Variants in CLEC4D observed in about 807,000 individuals in gnomAD.
The protein encoded by CLEC4D is C-type lectin domain family 4 member D, also known as C-type (calcium dependent, carbohydrate-recognition domain) lectin, superfamily member 8.
A neutral mutation model predicts 21.1 loss-of-function variants in CLEC4D; 21 were observed. The observed-to-expected ratio is 1.00, with a 90% confidence interval of 0.71 to 1.43. The LOEUF is 1.43. CLEC4D is among the 40% of genes most tolerant of loss of function. CLEC4D has a pLI of 0.00. For synonymous variants in CLEC4D, 85 were observed against 83.1 expected, an observed-to-expected ratio of 1.02 and a Z score of -0.12; for missense variants, 289 against 260.7, an observed-to-expected ratio of 1.11 and a Z score of -0.75.
chr12:8,526,937 G>A (rs1441991474), downstream of CLEC4D, among the ~76,000 whole-genome samples: 1 of 151,868 alleles, frequency 6.6e-6, no homozygotes, highest in Admixed American at 6.5e-5. Context: ...TTCTTTCAAT[G>A]GTCAGGTCCC....
At chr12:8,520,787 G>A (rs998821744) in intron 5 of CLEC4D, among the ~76,000 whole-genome samples, 38 of 152,078 alleles carry the variant, frequency 2.5e-4, no homozygotes, top group Non-Finnish European at 4.4e-4. Context: ...TTTTAATAAC[G>A]TATTAATAAT....
At chr12:8,517,439 T>TCCCTCCC (rs1446264694) in intron 2 of CLEC4D, among the ~76,000 whole-genome samples, 1 of 138,890 alleles carries the variant, frequency 7.2e-6, no homozygotes, top group African/African-American at 2.6e-5. Context: ...CCAAATGCTA[T>TCCCTCCC]CCCTCCCCCC....
At chr12:8,514,997 G>T (rs1025535559) in intron 1 of CLEC4D, among the ~76,000 whole-genome samples, 1 of 151,854 alleles carries the variant, frequency 6.6e-6, no homozygotes, top group Non-Finnish European at 1.5e-5. Flanking sequence ...CTTGGGTTTT[G>T]TATCTTACTT....
chr12:8,531,586 T>A, the CLEC4D span, among the ~76,000 whole-genome samples: 1 of 152,192 alleles, frequency 6.6e-6, no homozygotes, highest in African/African-American at 2.4e-5. Flanking sequence ...TTACCCTGAT[T>A]TGATTAATAT....
At chr12:8,526,314 C>T (rs1940505091), downstream of CLEC4D, among the ~76,000 whole-genome samples, 1 of 152,160 alleles carries the variant, frequency 6.6e-6, no homozygotes, top group Admixed American at 6.5e-5. Flanking sequence ...CTGTCTATTT[C>T]TGGTACCCCA....
downstream of CLEC4D, among the ~76,000 whole-genome samples, chr12:8,524,056 A>G (rs759723781): frequency 6.6e-6 from 1 of 152,134 alleles, no homozygotes; most frequent in South Asian, 2.1e-4. Context: ...AGCTGACTTG[A>G]TTGTGGTGGG....
chr12:8,523,910 G>A (rs756847209), downstream of CLEC4D, among the ~76,000 whole-genome samples: 9 of 152,260 alleles, frequency 5.9e-5, no homozygotes, highest in Middle Eastern at 3.4e-3. Flanking sequence ...TAACATGAAA[G>A]GATGTTTAAT....
At chr12:8,525,469 T>C (rs1344932910), downstream of CLEC4D, among the ~76,000 whole-genome samples, 4 of 152,230 alleles carry the variant, frequency 2.6e-5, no homozygotes, top group Non-Finnish European at 4.4e-5. Context: ...TTTGTCTTTT[T>C]TAACCTTTAG....
chr12:8,513,806 A>C (rs762948593), intron 1 of CLEC4D, 46 bp downstream of exon 1: 2 of 865,770 alleles, frequency 2.3e-6, no homozygotes, highest in Non-Finnish European at 4.0e-6. Context: ...AGATGGAATT[A>C]TACTAATTTA....
rs1940424459 is a variant in CLEC4D, at chr12:8,519,144, G to A, written c.368G>A (p.Ser123Asn). ...SGMGAHLMTI[S>N]TEAEQNFIIQ... ...ATGGGGGCCCATCTGATGACCATCA[G>A]CACGGAAGCTGAGCAGGTGTGTTGG... Residue 123 changes from serine to asparagine, a missense_variant, in exon 4 of 6, where the codon AGC becomes AAC. Physicochemically the swap from Ser to Asn is conservative, Grantham distance 46. Coordinates refer to ENST00000299665, the MANE Select transcript of CLEC4D (RefSeq NM_080387.5). 6.2e-7 allele frequency: 1 copy of A among 1,613,778 alleles called. No individual in the cohort carries two copies. The highest frequency in any genetic ancestry group is 1.1e-5 in the South Asian group (1 of 91,044).
chr12:8,521,440 A>ATG lies in CLEC4D; in HGVS notation c.*187_*188dup, dbSNP rs138070495. 3,245 of 1,288,064 alleles carry ATG rather than the reference A, an allele frequency of 2.5e-3. 1 individual carries two copies. The highest frequency in any genetic ancestry group is 4.5e-3 in the South Asian group (257 of 57,306). The allele number at this position is 1,288,064 out of a possible 1,614,324, so 79.8% of individuals were successfully genotyped here. On this transcript the variant is annotated 3_prime_UTR_variant, in exon 6 of 6. Transcript: ENST00000299665. Reference sequence around the variant, plus strand: ...GATTCATTCGAGACAACATGTGTGTATGTGTGTGTGTGTGTGTGTAGATAA... The same window carrying ATG: ...GATTCATTCGAGACAACATGTGTGTATGTGTGTGTGTGTGTGTGTGTAGATAA...
the CLEC4D span, among the ~76,000 whole-genome samples, chr12:8,527,806 T>C: frequency 6.6e-6 from 1 of 152,218 alleles, no homozygotes; most frequent in African/African-American, 2.4e-5. Flanking sequence ...AGGGTTGGGA[T>C]GCTAGGCCCC....
chr12:8,531,479 CTT>C, the CLEC4D span, among the ~76,000 whole-genome samples: 7 of 152,052 alleles, frequency 4.6e-5, no homozygotes, highest in African/African-American at 1.2e-4. Flanking sequence ...GGAAATAACT[CTT>C]TTTCATAATC....
the CLEC4D span, among the ~76,000 whole-genome samples, chr12:8,528,383 C>T: frequency 6.6e-6 from 1 of 152,176 alleles, no homozygotes; most frequent in African/African-American, 2.4e-5. Context: ...TCACCAGACA[C>T]AGCTTTTTGA....
At chr12:8,527,872 G>A in the CLEC4D span, among the ~76,000 whole-genome samples, 1 of 151,188 alleles carries the variant, frequency 6.6e-6, no homozygotes, top group Non-Finnish European at 1.5e-5. Flanking sequence ...CAGTTCCGTG[G>A]AAAAAGCACA....
At chr12:8,524,657 T>A (rs1940493841), downstream of CLEC4D, among the ~76,000 whole-genome samples, 1 of 152,188 alleles carries the variant, frequency 6.6e-6, no homozygotes, top group African/African-American at 2.4e-5. Context: ...AGCTCCAGGA[T>A]TCACTGATTT....
intron 1 of CLEC4D, among the ~76,000 whole-genome samples, chr12:8,514,906 A>G (rs778068643): frequency 6.6e-6 from 1 of 152,222 alleles, no homozygotes; most frequent in Non-Finnish European, 1.5e-5. Flanking sequence ...CTTTCCTTTC[A>G]TACGTTCCTT....
chr12:8,518,899 G>C lies in CLEC4D; in HGVS notation c.233-110G>C, dbSNP rs1940419032. On this transcript the variant is annotated intron_variant, in intron 3 of 5. Transcript: ENST00000299665. ...AGAACAGAATAATTTTGGTGATCTT[G>C]ATATTATTCTCACAAATATTAATTG... The C allele has an allele frequency of 4.2e-6, 6 of 1,431,592 alleles. No individual in the cohort carries two copies. The South Asian group carries it at 9.1e-5, about 22-fold the overall frequency. 88.7% of individuals were successfully genotyped at this position (1,431,592 alleles called of 1,614,324 possible).
chr12:8,513,747 A>G lies in CLEC4D; in HGVS notation c.15A>G (p.Lys5=). 8.8e-7 allele frequency: 1 copy of G among 1,140,846 alleles called. No homozygotes were observed. Among genetic ancestry groups the G allele is most frequent in the Non-Finnish European group, 1.3e-6 (1 of 750,324 alleles). The allele number at this position is 1,140,846 out of a possible 1,614,324, so 70.7% of individuals were successfully genotyped here. A position where few individuals can be genotyped will look rare whatever the true frequency, so the allele number is the denominator to read the frequency against. The change falls in exon 1 of 6, where the codon AAA becomes AAG. Residue 5 remains lysine, a synonymous_variant. Coordinates refer to ENST00000299665, the MANE Select transcript of CLEC4D (RefSeq NM_080387.5). ...CTAATTAGACAATGGGGCTAGAAAA[A>G]CCTCAAAGTAAACGTGAGTACTTTC... MGLE[K]PQSKLEGGMH... is the part of the protein sequence containing the mutation.
Sources: gnomAD v4.1 joint callset for allele counts (sites outside exome capture counted in the v4.1 genomes callset) on GRCh38, gnomAD v4.1.1 for gene constraint, MANE v1.5 for transcripts, NCBI Gene and HGNC (gene_info 2026-07-23, HGNC 2026-07-21) for gene names.